The following PARVA variants were observed in gnomAD, a reference collection of about 807,000 sequenced individuals.
PARVA encodes alpha-parvin.
A neutral mutation model predicts 52.6 loss-of-function variants in PARVA; 25 were observed. That is an observed-to-expected ratio of 0.48 (90% CI 0.35 to 0.66). The LOEUF is 0.66. Among genes scored for constraint, PARVA ranks in the 30% least tolerant of loss-of-function variants. PARVA has a pLI of 0.01. For synonymous variants in PARVA, 185 were observed against 179.1 expected (o/e 1.03, Z -0.26); for missense variants, 373 against 450.9 (o/e 0.83, Z 1.56).
At chr11:12,469,353 T>C (rs1940899816) in intron 1 of PARVA, among the ~76,000 whole-genome samples, 1 of 152,180 alleles carries the variant, frequency 6.6e-6, no homozygotes, top group Non-Finnish European at 1.5e-5. Context: ...TACCCCGACC[T>C]TCAGCTGGGC....
chr11:12,437,810 A>G lies in PARVA; in HGVS notation c.137-35935A>G, dbSNP rs150261377. Among the ~76,000 whole-genome samples, 1,421 of 152,290 alleles carry G rather than the reference A, an allele frequency of 9.3e-3. 23 individuals are homozygous for G. The highest frequency in any genetic ancestry group is 0.055 in the South Asian group (263 of 4,818). Reference sequence around the variant, plus strand: ...CAGGGGAGGCAGAGAGAGAGTAAAAAGGAAAGGTGGCAGCTTGGTCGGTGC... The same window carrying G: ...CAGGGGAGGCAGAGAGAGAGTAAAAGGGAAAGGTGGCAGCTTGGTCGGTGC... On this transcript the variant is annotated intron_variant, in intron 1 of 12. Transcript: ENST00000334956.
intron 1 of PARVA, among the ~76,000 whole-genome samples, chr11:12,470,298 GTAA>G (rs1176900235): frequency 6.6e-6 from 1 of 152,228 alleles, no homozygotes; most frequent in Non-Finnish European, 1.5e-5. Context: ...GTTGTTTTAA[GTAA>G]TAATAATAGT....
At chr11:12,442,128 C>T (rs1197439320) in intron 1 of PARVA, among the ~76,000 whole-genome samples, 1 of 152,230 alleles carries the variant, frequency 6.6e-6, no homozygotes, top group Non-Finnish European at 1.5e-5. Flanking sequence ...ATCAGCTCTA[C>T]TTAATCATAC....
intron 1 of PARVA, among the ~76,000 whole-genome samples, chr11:12,458,401 T>C (rs528069229): frequency 1.3e-5 from 2 of 152,328 alleles, no homozygotes; most frequent in African/African-American, 4.8e-5. Flanking sequence ...ATCCTGATCA[T>C]CTCAGCAGCA....
intron 1 of PARVA, among the ~76,000 whole-genome samples, chr11:12,468,471 C>A (rs145130502): frequency 6.6e-6 from 1 of 152,120 alleles, no homozygotes; most frequent in Non-Finnish European, 1.5e-5. Flanking sequence ...TCTTCATGAA[C>A]AAAAATCAGG....
At chr11:12,381,800 T>G (rs987125060) in intron 1 of PARVA, among the ~76,000 whole-genome samples, 4 of 152,232 alleles carry the variant, frequency 2.6e-5, no homozygotes, top group Non-Finnish European at 5.9e-5. Flanking sequence ...ATTGTCTGAC[T>G]GAAATGGTAG....
intron 1 of PARVA, among the ~76,000 whole-genome samples, chr11:12,396,839 A>G (rs1939753915): frequency 6.6e-6 from 1 of 152,232 alleles, no homozygotes; most frequent in African/African-American, 2.4e-5. Context: ...TCTTACTTCC[A>G]GGCTTTGACT....
chr11:12,523,111 T>A (rs1008787846), intron 12 of PARVA, among the ~76,000 whole-genome samples: 5 of 152,032 alleles, frequency 3.3e-5, no homozygotes, highest in East Asian at 1.9e-4. Context: ...TAAAAAAAAT[T>A]TTTAATGACT....
chr11:12,502,339 C>T (rs1316389681), intron 5 of PARVA, among the ~76,000 whole-genome samples: 1 of 152,170 alleles, frequency 6.6e-6, no homozygotes, highest in Non-Finnish European at 1.5e-5. Flanking sequence ...AAATCAGACT[C>T]ACTGATCCCA....
intron 1 of PARVA, among the ~76,000 whole-genome samples, chr11:12,424,964 G>A (rs370400585): frequency 3.3e-4 from 50 of 152,192 alleles, no homozygotes; most frequent in South Asian, 1.5e-3. Flanking sequence ...TATTATTTGT[G>A]ATTAAACTAT....
chr11:12,427,906 G>A (rs1417333428), intron 1 of PARVA, among the ~76,000 whole-genome samples: 12 of 152,210 alleles, frequency 7.9e-5, no homozygotes, highest in Admixed American at 2.0e-4. Context: ...TGGTCCAGGC[G>A]TGTGTCCCCG....
intron 1 of PARVA, among the ~76,000 whole-genome samples, chr11:12,436,185 A>G (rs1940385261): frequency 6.6e-6 from 1 of 152,214 alleles, no homozygotes; most frequent in South Asian, 2.1e-4. Flanking sequence ...GATAATGTGC[A>G]TATTAGGAAC....
chr11:12,414,742 T>G (rs1046038571), intron 1 of PARVA, among the ~76,000 whole-genome samples: 6 of 152,192 alleles, frequency 3.9e-5, no homozygotes, highest in Non-Finnish European at 5.9e-5. Flanking sequence ...AAAAGAATTG[T>G]GAAAAGTAAT....
chr11:12,393,348 A>G (rs1017031696), intron 1 of PARVA, among the ~76,000 whole-genome samples: 1 of 152,194 alleles, frequency 6.6e-6, no homozygotes, highest in East Asian at 1.9e-4. Context: ...AGGCACAGAG[A>G]GACCAGGTAA....
At chr11:12,391,223 A>G (rs546007199) in intron 1 of PARVA, among the ~76,000 whole-genome samples, 3 of 152,320 alleles carry the variant, frequency 2.0e-5, no homozygotes, top group East Asian at 1.9e-4. Flanking sequence ...TGTTAGCACA[A>G]TTGGGACCTG....
At chr11:12,405,178 A>G (rs1031372480) in intron 1 of PARVA, among the ~76,000 whole-genome samples, 5 of 152,176 alleles carry the variant, frequency 3.3e-5, no homozygotes, top group East Asian at 1.9e-4. Context: ...AACAAGAACA[A>G]CAAAAAGGTG....
chr11:12,505,302 C>A (rs936800225), intron 6 of PARVA, among the ~76,000 whole-genome samples: 1 of 152,134 alleles, frequency 6.6e-6, no homozygotes, highest in Admixed American at 6.5e-5. Context: ...AGTGGCTCTG[C>A]CATCCCTTGA....
intron 1 of PARVA, among the ~76,000 whole-genome samples, chr11:12,458,524 C>G (rs1394281794): frequency 1.3e-5 from 2 of 152,206 alleles, no homozygotes; most frequent in Non-Finnish European, 2.9e-5. Flanking sequence ...TTGCTTCTTC[C>G]TTGGAGGAAA....
At chr11:12,489,225 A>G (rs554122653) in intron 4 of PARVA, among the ~76,000 whole-genome samples, 2 of 152,204 alleles carry the variant, frequency 1.3e-5, no homozygotes, top group East Asian at 3.9e-4. Flanking sequence ...AGTATGTTTA[A>G]TATGTCAAAA....
Sources: allele counts gnomAD v4.1 joint callset (sites outside exome capture counted in the v4.1 genomes callset), GRCh38; gene constraint gnomAD v4.1.1; transcripts MANE v1.5; gene names NCBI Gene and HGNC (gene_info 2026-07-23, HGNC 2026-07-21).